GRM1: variants seen among roughly 807,000 people sequenced by gnomAD.
The protein encoded by GRM1 is glutamate metabotropic receptor 1, also known as metabotropic glutamate receptor 1.
A neutral mutation model predicts 90.9 loss-of-function variants in GRM1; 33 were observed. That is an observed-to-expected ratio of 0.36 (90% CI 0.28 to 0.49). The LOEUF is 0.49. GRM1 is among the 20% of genes least tolerant of loss of function. The pLI, the probability that GRM1 is intolerant of heterozygous loss-of-function variation, is 0.99. For missense variants in GRM1, 1,190 were observed against 1,534.3 expected (o/e 0.78, Z 3.75); for synonymous variants, 700 against 613.2 (o/e 1.14, Z -2.09).
At position 146,286,643 on chromosome 6, in the gene GRM1, T is replaced by G. The variant is rs1010595639; in HGVS notation, c.951-17968T>G. 2.6e-5 allele frequency among the ~76,000 whole-genome samples: 4 copies of G among 152,220 alleles called. No homozygotes were observed. The East Asian group carries it at 7.7e-4, about 29-fold the overall frequency. Reference sequence around the variant, plus strand: ...TACAAATGTGGCAACTGAAAGGGCTTCATGTTTAGATATAAGGAAATAAGT... The same window carrying G: ...TACAAATGTGGCAACTGAAAGGGCTGCATGTTTAGATATAAGGAAATAAGT... On this transcript the variant is annotated intron_variant, in intron 2 of 7. Transcript: ENST00000282753.
intron 2 of GRM1, among the ~76,000 whole-genome samples, chr6:146,272,208 G>C (rs1393846598): frequency 2.0e-5 from 3 of 152,142 alleles, no homozygotes; most frequent in African/African-American, 4.8e-5. Flanking sequence ...ATCATGCAAG[G>C]GTGCTTGGGG....
intron 2 of GRM1, among the ~76,000 whole-genome samples, chr6:146,221,953 G>C (rs1780077912): frequency 6.6e-6 from 1 of 151,978 alleles, no homozygotes; most frequent in Non-Finnish European, 1.5e-5. Flanking sequence ...TTTAAGAATG[G>C]TTCTTAGGTC....
At chr6:146,240,525 A>G (rs1780817754) in intron 2 of GRM1, among the ~76,000 whole-genome samples, 2 of 152,084 alleles carry the variant, frequency 1.3e-5, no homozygotes, top group African/African-American at 4.8e-5. Flanking sequence ...GCAGCCTGGC[A>G]GGAAGGGAGC....
intron 2 of GRM1, among the ~76,000 whole-genome samples, chr6:146,293,416 CAGG>C (rs1783063820): frequency 6.6e-6 from 1 of 151,856 alleles, no homozygotes; most frequent in South Asian, 2.1e-4. Flanking sequence ...TAAAGCCAAC[CAGG>C]TATAAATGCA....
chr6:146,265,661 G>A (rs1043677495), intron 2 of GRM1, among the ~76,000 whole-genome samples: 1 of 152,102 alleles, frequency 6.6e-6, no homozygotes, highest in Non-Finnish European at 1.5e-5. Context: ...CATAGCTTCA[G>A]GTCCTACATT....
chr6:146,241,757 C>T (rs1282454254), intron 2 of GRM1, among the ~76,000 whole-genome samples: 1 of 152,128 alleles, frequency 6.6e-6, no homozygotes, highest in Non-Finnish European at 1.5e-5. Flanking sequence ...TACTCAGTAT[C>T]TTCATCCCCA....
chr6:146,401,420 G>A (rs1361091849), intron 7 of GRM1, among the ~76,000 whole-genome samples: 2 of 151,878 alleles, frequency 1.3e-5, no homozygotes, highest in South Asian at 2.1e-4. Context: ...ACAGTGCCAC[G>A]AAATGGGAAA....
intron 2 of GRM1, among the ~76,000 whole-genome samples, chr6:146,273,550 A>G (rs541231800): frequency 3.5e-4 from 53 of 152,360 alleles, no homozygotes; most frequent in African/African-American, 1.2e-3. Flanking sequence ...TTCAAAGAGC[A>G]GAAACACCCA....
chr6:146,266,099 G>A (rs2114805586), intron 2 of GRM1, among the ~76,000 whole-genome samples: 1 of 152,166 alleles, frequency 6.6e-6, no homozygotes, highest in South Asian at 2.1e-4. Flanking sequence ...TGAGGCAAGG[G>A]AATTGCTTGA....
chr6:146,198,872 T>G (rs1455431211), intron 2 of GRM1, among the ~76,000 whole-genome samples: 1 of 152,224 alleles, frequency 6.6e-6, no homozygotes, highest in Non-Finnish European at 1.5e-5. Context: ...GAAAATTGGC[T>G]TAAGTCTGTG....
intron 1 of GRM1, among the ~76,000 whole-genome samples, chr6:146,072,720 A>G (rs1296989829): frequency 6.6e-6 from 1 of 152,154 alleles, no homozygotes; most frequent in Non-Finnish European, 1.5e-5. Context: ...TGTGGGTGAA[A>G]GAATTAATTA....
intron 7 of GRM1, among the ~76,000 whole-genome samples, chr6:146,402,659 T>C (rs767837101): frequency 2.0e-5 from 3 of 152,176 alleles, no homozygotes; most frequent in Admixed American, 6.5e-5. Flanking sequence ...ACAGAACAGA[T>C]GCTGTAATGA....
chr6:146,150,383 T>C (rs1182865404), intron 1 of GRM1, among the ~76,000 whole-genome samples: 3 of 152,190 alleles, frequency 2.0e-5, no homozygotes, highest in African/African-American at 7.2e-5. Context: ...GAAATTCTTA[T>C]TTTTGTTTTA....
At chr6:146,106,262 A>C (rs1203348905) in intron 1 of GRM1, among the ~76,000 whole-genome samples, 1 of 152,248 alleles carries the variant, frequency 6.6e-6, no homozygotes, top group Admixed American at 6.5e-5. Context: ...ATCCTGATAT[A>C]GAAGGTCAAC....
intron 3 of GRM1, among the ~76,000 whole-genome samples, chr6:146,307,704 T>G (rs1383214610): frequency 6.6e-6 from 1 of 152,200 alleles, no homozygotes; most frequent in Admixed American, 6.5e-5. Flanking sequence ...TTTCTGTCAC[T>G]CCTTTTTACC....
At chr6:146,302,366 T>A (rs956243895) in intron 2 of GRM1, among the ~76,000 whole-genome samples, 1 of 148,964 alleles carries the variant, frequency 6.7e-6, no homozygotes, top group Non-Finnish European at 1.5e-5. Context: ...TCGCTCCCCA[T>A]GATACTGGTC....
At chr6:146,143,164 C>A (rs559693036) in intron 1 of GRM1, among the ~76,000 whole-genome samples, 1 of 152,242 alleles carries the variant, frequency 6.6e-6, no homozygotes, top group African/African-American at 2.4e-5. Context: ...TCTCCAAGGG[C>A]TTTTAAATTC....
intron 1 of GRM1, among the ~76,000 whole-genome samples, chr6:146,062,753 T>G (rs1303955467): frequency 6.6e-6 from 1 of 152,258 alleles, no homozygotes; most frequent in East Asian, 1.9e-4. Context: ...GTGTGATTTG[T>G]TTTTGGTCGA....
chr6:146,328,530 G>A (rs1784475690), intron 3 of GRM1, among the ~76,000 whole-genome samples: 1 of 152,078 alleles, frequency 6.6e-6, no homozygotes, highest in African/African-American at 2.4e-5. Context: ...TAAATTATGT[G>A]ATCCTCCTAA....
Sources: gnomAD v4.1 joint callset for allele counts (sites outside exome capture counted in the v4.1 genomes callset) on GRCh38, gnomAD v4.1.1 for gene constraint, MANE v1.5 for transcripts, NCBI Gene and HGNC (gene_info 2026-07-23, HGNC 2026-07-21) for gene names.